AGPAT3: variants seen among roughly 807,000 people sequenced by gnomAD.
AGPAT3 encodes the protein 1-acylglycerol-3-phosphate O-acyltransferase 3.
Under a neutral mutation model 47.3 loss-of-function variants are expected in AGPAT3, and 5 were observed. The ratio of observed to expected loss-of-function variants is 0.11; its 90% CI spans 0.06 to 0.22. The LOEUF (loss-of-function observed/expected upper bound fraction) is 0.22. AGPAT3 is among the 10% of genes least tolerant of loss of function. The pLI is 1.00. For missense variants in AGPAT3, 315 were observed against 493.0 expected (o/e 0.64, Z 3.42); for synonymous variants, 212 against 208.3 (o/e 1.02, Z -0.15).
chr21:43,870,954 C>A (rs2085612225), intron 1 of AGPAT3, among the ~76,000 whole-genome samples: 1 of 152,148 alleles, frequency 6.6e-6, no homozygotes. Context: ...CTACTGACCC[C>A]CAGCTGAGCA....
At position 43,952,412 on chromosome 21, in the gene AGPAT3, C is replaced by T. The variant is rs921657203; in HGVS notation, c.-48-7222C>T. On this transcript the variant is annotated intron_variant, in intron 2 of 9. Transcript: ENST00000291572. The surrounding 1 kb of genome is among the most constrained non-coding windows in gnomAD (Gnocchi z 5.6). ...GGGCATTACCTTTGTGGAAGGAACT[C>T]AGTTCACCCTAACAAAAGGTGGCAG... Among the ~76,000 whole-genome samples, 3 of 152,242 alleles carry T rather than the reference C, an allele frequency of 2.0e-5. No homozygotes were observed. Among genetic ancestry groups the T allele is most frequent in the Admixed American group, 6.5e-5 (1 of 15,294 alleles).
intron 1 of AGPAT3, among the ~76,000 whole-genome samples, chr21:43,900,831 C>T (rs556840988): frequency 1.3e-5 from 2 of 152,286 alleles, no homozygotes; most frequent in African/African-American, 4.8e-5. Context: ...CGAGCGAGAT[C>T]TGAAAAGATC....
At chr21:43,925,792 C>G (rs2087035249) in intron 2 of AGPAT3, among the ~76,000 whole-genome samples, 1 of 152,388 alleles carries the variant, frequency 6.6e-6, no homozygotes, top group Middle Eastern at 3.4e-3. Context: ...CATTCCCACA[C>G]AGAGCTCTGT....
intron 2 of AGPAT3, among the ~76,000 whole-genome samples, chr21:43,927,513 T>G (rs540954411): frequency 1.3e-5 from 2 of 152,344 alleles, no homozygotes; most frequent in Non-Finnish European, 2.9e-5. Context: ...AAGGAAGCTC[T>G]GTGTCAAGTG....
chr21:43,931,164 CAG>C (rs1236933096), intron 2 of AGPAT3, among the ~76,000 whole-genome samples: 1 of 152,140 alleles, frequency 6.6e-6, no homozygotes, highest in South Asian at 2.1e-4. Context: ...GTGAGGGAAA[CAG>C]AGACCTTTTA....
intron 2 of AGPAT3, among the ~76,000 whole-genome samples, chr21:43,938,787 G>A (rs1413037900): frequency 6.6e-6 from 1 of 152,194 alleles, no homozygotes; most frequent in Non-Finnish European, 1.5e-5. Flanking sequence ...GCTGCGGAGG[G>A]TCAGGAATCC....
rs879935841 is a variant in AGPAT3 at position 43,939,078 on chromosome 21, C to T, written c.-48-20556C>T. 1.8e-4 allele frequency among the ~76,000 whole-genome samples: 27 copies of T among 152,306 alleles called. No homozygotes were observed. The highest frequency in any genetic ancestry group is 5.8e-4 in the East Asian group (3 of 5,182). On this transcript the variant is annotated intron_variant, in intron 2 of 9. Transcript: ENST00000291572. This position sits in a 1 kb window ranked among gnomAD's most constrained non-coding sequence, Gnocchi z 4.4. ...CCGCACCAGGGCTGGGACGGGGCTG[C>T]GACCAGGCTAGGGGAGCATCCTGGG...
At chr21:43,918,542 T>G (rs1007189609) in intron 2 of AGPAT3, among the ~76,000 whole-genome samples, 1 of 151,630 alleles carries the variant, frequency 6.6e-6, no homozygotes, top group Non-Finnish European at 1.5e-5. Context: ...GGTTACATTT[T>G]AGCTTTGTGT....
At position 43,986,450 on chromosome 21, in the gene AGPAT3, G is replaced by A. The variant is rs1383823057; in HGVS notation, c.*4058G>A. On this transcript the variant is annotated 3_prime_UTR_variant, in exon 10 of 10. Transcript: ENST00000291572. Reference sequence around the variant, plus strand: ...CATTTCTTAACTTTTTGTTGCACAAGTATTTGGACAGAAGTCGAACTGTGA... The same window carrying A: ...CATTTCTTAACTTTTTGTTGCACAAATATTTGGACAGAAGTCGAACTGTGA... 1 of 152,632 alleles carries A rather than the reference G, an allele frequency of 6.6e-6. No individual in the cohort carries two copies. Among genetic ancestry groups the A allele is most frequent in the Admixed American group, 6.5e-5 (1 of 15,292 alleles). The allele number at this position is 152,632 out of a possible 1,614,324, so 9.5% of individuals were successfully genotyped here.
At chr21:43,886,079 A>G (rs1302876818) in intron 1 of AGPAT3, among the ~76,000 whole-genome samples, 4 of 152,184 alleles carry the variant, frequency 2.6e-5, no homozygotes, top group Non-Finnish European at 5.9e-5. Context: ...AGCTGGGTGG[A>G]CGCAGCACCT....
At chr21:43,980,906 C>A in intron 8 of AGPAT3, 83 bp from the exon 9 acceptor site, 734 of 1,183,844 alleles carry the variant, frequency 6.2e-4, no homozygotes, top group East Asian at 1.3e-3. Flanking sequence ...AGTCGTTTTT[C>A]ATTGCCAACA....
chr21:43,918,950 T>C (rs967114964), intron 2 of AGPAT3, among the ~76,000 whole-genome samples: 4 of 152,212 alleles, frequency 2.6e-5, no homozygotes, highest in African/African-American at 9.7e-5. Flanking sequence ...TTTTTTGTCT[T>C]AACTTTCTAC....
chr21:43,970,529 C>T lies in AGPAT3; in HGVS notation c.511-124C>T, dbSNP rs547778021. On this transcript the variant is annotated intron_variant, in intron 5 of 9. Transcript: ENST00000291572. The surrounding 1 kb of genome is among the most constrained non-coding windows in gnomAD (Gnocchi z 5.8). ...TCATAACCCATGCTGCTCGCTAAAG[C>T]GGTTCCAAGATTTCCACAAATTCAG... The T allele has an allele frequency of 7.4e-5, 74 of 1,004,116 alleles. 1 individual carries two copies. The African/African-American group carries it at 9.4e-4, about 13-fold the overall frequency. The allele number at this position is 1,004,116 out of a possible 1,614,324, so 62.2% of individuals were successfully genotyped here.
chr21:43,915,809 TC>T (rs978303466), intron 2 of AGPAT3, among the ~76,000 whole-genome samples: 2 of 152,204 alleles, frequency 1.3e-5, no homozygotes, highest in African/African-American at 4.8e-5. Context: ...AAAATTTTTT[TC>T]CTTTTATATT....
At chr21:43,901,442 A>G (rs1331297756) in intron 1 of AGPAT3, among the ~76,000 whole-genome samples, 2 of 151,680 alleles carry the variant, frequency 1.3e-5, no homozygotes, top group Non-Finnish European at 1.5e-5. Context: ...CACGTGTTCA[A>G]TCAGGGCAAA....
chr21:43,937,472 G>A (rs1375468499), intron 2 of AGPAT3, among the ~76,000 whole-genome samples: 1 of 152,212 alleles, frequency 6.6e-6, no homozygotes, highest in Non-Finnish European at 1.5e-5. Context: ...CTGCAGGCCT[G>A]TCTCCTTGAG....
At position 43,909,121 on chromosome 21, in the gene AGPAT3, C is replaced by G. The variant is rs142289350; in HGVS notation, c.-49+5102C>G. Among the ~76,000 whole-genome samples the G allele has an allele frequency of 5.5e-3, 836 of 152,302 alleles. 8 individuals are homozygous for G. Among genetic ancestry groups the G allele is most frequent in the African/African-American group, 0.019 (792 of 41,576 alleles). ...TTGTCTGATAAGGGACTTCACTCTT[C>G]CAACTTCAAGAAAGGCTCCTCCCGG... is the stretch of plus-strand genomic sequence containing the variant. On this transcript the variant is annotated intron_variant, in intron 2 of 9. Coordinates refer to ENST00000291572, the MANE Select transcript of AGPAT3 (RefSeq NM_020132.5).
At chr21:43,888,027 A>G (rs1036368970) in intron 1 of AGPAT3, among the ~76,000 whole-genome samples, 14 of 152,212 alleles carry the variant, frequency 9.2e-5, no homozygotes, top group African/African-American at 3.1e-4. Flanking sequence ...TGGAGAAAAC[A>G]TCGTGTTTTA....
chr21:43,927,273 G>C (rs1303164816), intron 2 of AGPAT3, among the ~76,000 whole-genome samples: 2 of 152,046 alleles, frequency 1.3e-5, no homozygotes, highest in East Asian at 3.9e-4. Flanking sequence ...ATTTTTGTGG[G>C]TACATAGTAG....
Sources: allele counts gnomAD v4.1 joint callset (sites outside exome capture counted in the v4.1 genomes callset), GRCh38; gene constraint gnomAD v4.1.1; non-coding constraint Gnocchi (gnomAD v3.1); transcripts MANE v1.5; gene names NCBI Gene and HGNC (gene_info 2026-07-23, HGNC 2026-07-21).